NPRL3: variants seen among roughly 807,000 people sequenced by gnomAD.
The protein encoded by NPRL3 is NPR3 like, GATOR1 complex subunit.
A neutral mutation model predicts 57.2 loss-of-function variants in NPRL3; 23 were observed. That is an observed-to-expected ratio of 0.40 (90% CI 0.29 to 0.57). NPRL3 has a LOEUF of 0.57. NPRL3 is among the 20% of genes least tolerant of loss of function. The pLI, the probability that NPRL3 is intolerant of heterozygous loss-of-function variation, is 0.42. For missense variants in NPRL3, 691 were observed against 767.1 expected (o/e 0.90, Z 1.17); for synonymous variants, 333 against 321.1 (o/e 1.04, Z -0.39).
At chr16:129,582 C>T (rs938899161) in intron 3 of NPRL3, among the ~76,000 whole-genome samples, 2 of 152,224 alleles carry the variant, frequency 1.3e-5, no homozygotes, top group African/African-American at 4.8e-5. Flanking sequence ...TTTGGGAGGC[C>T]AAGGAAGGAA....
In NPRL3 at chr16:93,036, G is replaced by A. The variant is rs554020270; in HGVS notation, c.1031+183C>T. 3.3e-5 allele frequency: 21 copies of A among 628,512 alleles called. No individual in the cohort carries two copies. The African/African-American group carries it at 3.7e-4, about 11-fold the overall frequency. The allele number at this position is 628,512 out of a possible 1,614,324, so 38.9% of individuals were successfully genotyped here. A position where few individuals can be genotyped will look rare whatever the true frequency, so the allele number is the denominator to read the frequency against. On this transcript the variant is annotated intron_variant, in intron 10 of 13. Transcript: ENST00000611875. ...ACACAGGAGAGCCACAGAGCACAGA[G>A]CCAGACCAGAATTGGGACCTGGGTA...
intron 9 of NPRL3, among the ~76,000 whole-genome samples, chr16:97,254 C>T (rs184850562): frequency 1.3e-3 from 200 of 150,682 alleles, no homozygotes; most frequent in African/African-American, 4.5e-3. Context: ...GATTTCTCCC[C>T]GTGCTTTTTT....
At chr16:96,400 C>T (rs73495135) in intron 9 of NPRL3, among the ~76,000 whole-genome samples, 3 of 152,050 alleles carry the variant, frequency 2.0e-5, no homozygotes, top group Non-Finnish European at 4.4e-5. Flanking sequence ...AGGGTCACTG[C>T]CTCCCTCACT....
intron 5 of NPRL3, among the ~76,000 whole-genome samples, chr16:116,261 T>C (rs1040083699): frequency 6.6e-6 from 1 of 152,222 alleles, no homozygotes; most frequent in Non-Finnish European, 1.5e-5. Context: ...ACAGGGGTTA[T>C]CGGTGTTGAC....
intron 2 of NPRL3, among the ~76,000 whole-genome samples, chr16:136,461 G>A (rs1400449243): frequency 1.3e-5 from 2 of 151,904 alleles, no homozygotes; most frequent in African/African-American, 4.8e-5. Context: ...AGGCCAAGGC[G>A]GGCGGATCAC....
At chr16:101,603 G>A (rs1424970279) in intron 7 of NPRL3, among the ~76,000 whole-genome samples, 1 of 152,206 alleles carries the variant, frequency 6.6e-6, no homozygotes, top group Non-Finnish European at 1.5e-5. Context: ...CTGCAGGGAT[G>A]TCCAAAATCC....
chr16:123,694 A>T, intron 3 of NPRL3: 1 of 401,210 alleles, frequency 2.5e-6, no homozygotes, highest in Non-Finnish European at 5.0e-6. Flanking sequence ...ATCACGACTA[A>T]GCAACTTACC....
At chr16:125,330 G>A (rs549731383) in intron 3 of NPRL3, among the ~76,000 whole-genome samples, 5 of 152,268 alleles carry the variant, frequency 3.3e-5, no homozygotes, top group East Asian at 1.9e-4. Context: ...CAGAATCCTC[G>A]AAGCTGAAGC....
At chr16:113,162 C>A (rs888258409) in intron 5 of NPRL3, among the ~76,000 whole-genome samples, 20 of 152,326 alleles carry the variant, frequency 1.3e-4, no homozygotes, top group Middle Eastern at 3.4e-3. Flanking sequence ...AAGAACAGAA[C>A]CTGCCCTGAG....
Position 130,609 on chromosome 16 carries a change from G to C in NPRL3, c.119-18C>G. ...CGGCTTACCTGAGTCGGGGCGAAAA[G>C]AGGGGAAGGGCTAAGAAAACAGGGT... is the stretch of plus-strand genomic sequence containing the variant. On this transcript the variant is annotated intron_variant, in intron 2 of 13. Coordinates refer to ENST00000611875, the MANE Select transcript of NPRL3 (RefSeq NM_001077350.3). 1 of 1,552,192 alleles carries C rather than the reference G, an allele frequency of 6.4e-7. No individual in the cohort carries two copies. The highest frequency in any genetic ancestry group is 8.7e-7 in the Non-Finnish European group (1 of 1,147,540).
At chr16:122,656 A>T (rs530928670) in intron 3 of NPRL3, among the ~76,000 whole-genome samples, 15 of 152,372 alleles carry the variant, frequency 9.8e-5, no homozygotes, top group Non-Finnish European at 1.3e-4. Context: ...GAAATTCAAG[A>T]AAAACACATT....
chr16:103,203 G>A (rs967167266), intron 7 of NPRL3, among the ~76,000 whole-genome samples: 1 of 149,548 alleles, frequency 6.7e-6, no homozygotes, highest in South Asian at 2.1e-4. Context: ...GTGCAGTGGC[G>A]CCATCTCCGC....
At chr16:131,621 G>A (rs1349673126) in intron 2 of NPRL3, among the ~76,000 whole-genome samples, 3 of 82,818 alleles carry the variant, frequency 3.6e-5, no homozygotes, top group East Asian at 5.1e-4. Context: ...AAAAAAAAAC[G>A]CTAACAATCA....
At chr16:111,975 C>T (rs1796819215) in intron 6 of NPRL3, among the ~76,000 whole-genome samples, 1 of 152,000 alleles carries the variant, frequency 6.6e-6, no homozygotes, top group Non-Finnish European at 1.5e-5. Context: ...TACAGTAGGC[C>T]AAAAAACACT....
rs774406884 is a variant in NPRL3 at position 119,174 on chromosome 16, A to G, written c.270T>C (p.Asn90=). 6 of 1,613,378 alleles carry G rather than the reference A, an allele frequency of 3.7e-6. No individual in the cohort carries two copies. Among genetic ancestry groups the G allele is most frequent in the African/African-American group, 1.3e-5 (1 of 75,064 alleles). The change falls in exon 4 of 14, where the codon AAT becomes AAC. Residue 90 remains asparagine, a synonymous_variant. Coordinates refer to ENST00000611875, the MANE Select transcript of NPRL3 (RefSeq NM_001077350.3). ...CGQKFELKID[N]VRFVGHPTLL... is the part of the protein sequence containing the mutation. ...GTGTTGGGTGCCCAACAAATCGCAC[A>G]TTATCAATCTTCAGTTCAAATTTTT...
intron 11 of NPRL3, 127 bp downstream of exon 11, chr16:92,469 G>A: frequency 8.2e-7 from 1 of 1,225,260 alleles, no homozygotes; most frequent in Non-Finnish European, 1.1e-6. Flanking sequence ...TGCACGGCAA[G>A]CCCCCAAAAC....
Position 85,469 on chromosome 16 carries a change from C to T in NPRL3, c.*1236G>A, listed in dbSNP as rs552846697. The T allele has an allele frequency of 4.5e-5, 73 of 1,613,098 alleles. No homozygotes were observed. Among genetic ancestry groups the T allele is most frequent in the East Asian group, 1.8e-4 (8 of 44,884 alleles). On this transcript the variant is annotated 3_prime_UTR_variant, in exon 14 of 14. Transcript: ENST00000611875. ...AGGTCTGGAGACCATGCGTCAGCTT[C>T]GCAGCACCCTCCGGAAAGGCACCGC...
intron 3 of NPRL3, chr16:125,647 C>T (rs1365251935): frequency 6.6e-6 from 1 of 152,270 alleles, no homozygotes; most frequent in Non-Finnish European, 1.5e-5. Flanking sequence ...CAAGATCACA[C>T]ACCGAAGGCT....
At chr16:97,382 C>T (rs967071539) in intron 9 of NPRL3, among the ~76,000 whole-genome samples, 1 of 149,994 alleles carries the variant, frequency 6.7e-6, no homozygotes, top group Non-Finnish European at 1.5e-5. Context: ...GTAGCTGGGA[C>T]TACAGGTGCA....
Sources: allele counts gnomAD v4.1 joint callset (sites outside exome capture counted in the v4.1 genomes callset), GRCh38; gene constraint gnomAD v4.1.1; transcripts MANE v1.5; gene names NCBI Gene and HGNC (gene_info 2026-07-23, HGNC 2026-07-21).